The following TEP1 variants were observed in gnomAD, a reference collection of about 807,000 sequenced individuals.
TEP1 encodes the protein telomerase protein component 1.
Under a neutral mutation model 306.3 loss-of-function variants are expected in TEP1, and 241 were observed. The ratio of observed to expected loss-of-function variants is 0.79; its 90% CI spans 0.71 to 0.88. TEP1 has a LOEUF of 0.88. TEP1 is among the 40% of genes least tolerant of loss of function. TEP1 has a pLI of 0.00. For synonymous variants in TEP1, 1,289 were observed against 1,305.5 expected, an observed-to-expected ratio of 0.99 and a Z score of 0.27; for missense variants, 3,051 against 3,276.1, an observed-to-expected ratio of 0.93 and a Z score of 1.68.
intron 35 of TEP1, among the ~76,000 whole-genome samples, chr14:20,379,390 A>T (rs1885395243): frequency 6.6e-6 from 1 of 152,232 alleles, no homozygotes; most frequent in Admixed American, 6.5e-5. Context: ...GAGTGTAAAG[A>T]GGATAGAAAG....
At chr14:20,386,241 G>A in intron 19 of TEP1, 46 bp from the exon 20 acceptor site, 3 of 1,611,828 alleles carry the variant, frequency 1.9e-6, no homozygotes, top group South Asian at 2.2e-5. Flanking sequence ...TGGGGGCATG[G>A]TATCAGGGAA....
chr14:20,370,240 G>C (rs577274597), intron 51 of TEP1, among the ~76,000 whole-genome samples: 1 of 110,148 alleles, frequency 9.1e-6, no homozygotes, highest in African/African-American at 3.2e-5. Context: ...AATGTACATC[G>C]GCGATGTATT....
At chr14:20,382,787 C>A in intron 27 of TEP1, 72 bp from the exon 28 acceptor site, 4 of 1,434,930 alleles carry the variant, frequency 2.8e-6, no homozygotes, top group Non-Finnish European at 3.9e-6. Context: ...CCAGCACCAG[C>A]CCCTCTGCCA....
intron 36 of TEP1, 38 bp from the exon 37 acceptor site, chr14:20,378,891 G>A (rs879860071): frequency 6.2e-7 from 1 of 1,613,498 alleles, no homozygotes; most frequent in Non-Finnish European, 8.5e-7. Flanking sequence ...CTGGACCCTG[G>A]CCATCAGCTC....
chr14:20,405,338 G>A lies in TEP1; in HGVS notation c.870+113C>T, dbSNP rs116586162. The A allele has an allele frequency of 3.8e-4, 528 of 1,375,216 alleles. 3 individuals are homozygous for A. The African/African-American group carries it at 6.5e-3, about 17-fold the overall frequency. The allele number at this position is 1,375,216 out of a possible 1,614,324, so 85.2% of individuals were successfully genotyped here. ...AGACTCACCCAGAAATCCTTCCTAA[G>A]AGAAGCTCCTCCCACCCCCAACATG... On this transcript the variant is annotated intron_variant, in intron 4 of 54. Transcript: ENST00000262715.
At chr14:20,406,143 C>A in intron 3 of TEP1, 90 bp downstream of exon 3, 1 of 1,343,660 alleles carries the variant, frequency 7.4e-7, no homozygotes. Flanking sequence ...CCTTCCCCTT[C>A]CAACTGGGGA....
chr14:20,393,153 C>G (rs901859613), intron 12 of TEP1, among the ~76,000 whole-genome samples: 4 of 151,454 alleles, frequency 2.6e-5, no homozygotes, highest in Admixed American at 6.6e-5. Context: ...GGAGGTGGAG[C>G]TTGCAGTGAG....
In TEP1 at chr14:20,380,291, G is replaced by A. The variant is rs369151292; in HGVS notation, c.4947C>T (p.His1649=). Residue 1649 remains histidine, a synonymous_variant, in exon 34 of 55, where the codon CAC becomes CAT. Coordinates refer to ENST00000262715, the MANE Select transcript of TEP1 (RefSeq NM_007110.5). ...TAAGCCATCGTAGTGTGTGTTGGAG[G>A]TGCCATCTCCGGGAGAGCAGCGAGG... ...HQASLLSRRW[H]LQHTLRWLNK... is the part of the protein sequence containing the mutation. The A allele has an allele frequency of 2.0e-5, 33 of 1,614,064 alleles. No homozygotes were observed. The highest frequency in any genetic ancestry group is 2.6e-5 in the Non-Finnish European group (31 of 1,180,044).
At chr14:20,400,427 T>G (rs546264155) in intron 9 of TEP1, among the ~76,000 whole-genome samples, 1 of 142,610 alleles carries the variant, frequency 7.0e-6, no homozygotes, top group East Asian at 2.0e-4. Flanking sequence ...TCTCTAAAAT[T>G]TAAAAAGAAA....
At chr14:20,398,838 T>G (rs913874340) in intron 9 of TEP1, among the ~76,000 whole-genome samples, 3 of 152,080 alleles carry the variant, frequency 2.0e-5, no homozygotes, top group African/African-American at 7.2e-5. Flanking sequence ...GGGATGTAAG[T>G]CTTATTTGAA....
At chr14:20,405,613 G>A in intron 3 of TEP1, 28 bp from the exon 4 acceptor site, 1 of 1,610,588 alleles carries the variant, frequency 6.2e-7, no homozygotes, top group African/African-American at 1.3e-5. Context: ...GGGAAGAAAT[G>A]AGAAGAGAGG....
rs1285640072 is a variant in TEP1 at position 20,373,533 on chromosome 14, C to T, written c.6655G>A (p.Ala2219Thr). 6.2e-7 allele frequency: 1 copy of T among 1,614,228 alleles called. No individual in the cohort carries two copies. The highest frequency in any genetic ancestry group is 8.5e-7 in the Non-Finnish European group (1 of 1,180,050). The change falls in exon 46 of 55, where the codon GCC (alanine) becomes ACC (threonine). Residue 2219 changes from alanine to threonine, a missense_variant. Around this residue, in one of 3 missense-constraint regions of TEP1, gnomAD observed 1,540 missense variants for 1,705.9 expected, o/e 0.90. Transcript: ENST00000262715. ...AAGAGTGGATGCCATAACCGTGTGG[C>T]CCCATCTAGCCCGACGGTTACCACC... The part of the protein sequence containing the change: ...LLVVTVGLDG[A>T]TRLWHPLLVC...
rs534804309 is a variant in TEP1, at chr14:20,405,372, C to T, written c.870+79G>A. The T allele has an allele frequency of 3.6e-4, 556 of 1,560,562 alleles. 1 individual carries two copies. Among genetic ancestry groups the T allele is most frequent in the Non-Finnish European group, 4.7e-4 (541 of 1,149,800 alleles). On this transcript the variant is annotated intron_variant, in intron 4 of 54. Coordinates refer to ENST00000262715, the MANE Select transcript of TEP1 (RefSeq NM_007110.5). ...CTCCCACCCCCAACATGAAGCTAGT[C>T]ACCACCCCGCCACACACCATAACCA...
chr14:20,392,941 G>A (rs184356317), intron 12 of TEP1, among the ~76,000 whole-genome samples: 25 of 152,262 alleles, frequency 1.6e-4, no homozygotes, highest in South Asian at 4.2e-4. Flanking sequence ...AATGTAAGCC[G>A]GGCACGGTGG....
At chr14:20,393,819 T>C (rs950928339) in intron 12 of TEP1, among the ~76,000 whole-genome samples, 1 of 149,318 alleles carries the variant, frequency 6.7e-6, no homozygotes, top group Non-Finnish European at 1.5e-5. Flanking sequence ...GCTTAGCTAA[T>C]GCCTATAATC....
At chr14:20,379,792 C>G (rs750425227) in intron 35 of TEP1, 138 bp downstream of exon 35, 4 of 1,182,834 alleles carry the variant, frequency 3.4e-6, no homozygotes, top group Non-Finnish European at 4.6e-6. Context: ...TTTGGCCAAG[C>G]CCTTTGAGCT....
At chr14:20,383,068 A>G in intron 27 of TEP1, 106 bp downstream of exon 27, 3 of 1,281,512 alleles carry the variant, frequency 2.3e-6, no homozygotes, top group Non-Finnish European at 3.2e-6. Context: ...TTCTGAGAAA[A>G]CAAAGGAGCA....
In TEP1 at chr14:20,380,009, G is replaced by A; in HGVS notation, c.5048C>T (p.Ala1683Val). Residue 1683 changes from alanine (A) to valine (V), a missense_variant, in exon 35 of 55, where the codon GCC becomes GTC. Physicochemically the swap from Ala to Val is moderately conservative, Grantham distance 64. Coordinates refer to ENST00000262715, the MANE Select transcript of TEP1 (RefSeq NM_007110.5). ...LAVSSSPTAV[A>V]FSTNGQRAAV... is the part of the protein sequence containing the mutation. ...TGCTCTTTGCCCATTGGTGGAGAAG[G>A]CCACAGCAGTAGGGGATGAGGAAAC... 1 of 1,614,158 alleles carries A rather than the reference G, an allele frequency of 6.2e-7. No homozygotes were observed. Among genetic ancestry groups the A allele is most frequent in the Non-Finnish European group, 8.5e-7 (1 of 1,180,030 alleles).
intron 12 of TEP1, among the ~76,000 whole-genome samples, chr14:20,393,342 A>G (rs917627437): frequency 6.6e-6 from 1 of 152,240 alleles, no homozygotes; most frequent in African/African-American, 2.4e-5. Context: ...TTTTTATACT[A>G]ATTTTTTAAT....
Sources: allele counts gnomAD v4.1 joint callset (sites outside exome capture counted in the v4.1 genomes callset), GRCh38; gene constraint gnomAD v4.1.1; regional missense constraint gnomAD v4.1.1; transcripts MANE v1.5; gene names NCBI Gene and HGNC (gene_info 2026-07-23, HGNC 2026-07-21).